The following DRC9 variants were observed in gnomAD, a reference collection of about 807,000 sequenced individuals.
DRC9 encodes dynein regulatory complex protein 9.
chr3:197,890,999 A>G, the DRC9 span, among the ~76,000 whole-genome samples: 2 of 152,240 alleles, frequency 1.3e-5, no homozygotes, highest in African/African-American at 4.8e-5. Flanking sequence ...ACAAGTTCAC[A>G]TAAAACTAAA....
At chr3:197,924,026 C>A in the DRC9 span, among the ~76,000 whole-genome samples, 1 of 151,854 alleles carries the variant, frequency 6.6e-6, no homozygotes, top group African/African-American at 2.4e-5. Context: ...CCATTGCACT[C>A]CAGCCTGAGT....
chr3:197,923,075 T>C, the DRC9 span, among the ~76,000 whole-genome samples: 1 of 152,170 alleles, frequency 6.6e-6, no homozygotes, highest in Non-Finnish European at 1.5e-5. Flanking sequence ...GAGAAGGTGT[T>C]AGGCAATTTG....
chr3:197,959,959 C>T, the DRC9 span: 6 of 524,360 alleles, frequency 1.1e-5, no homozygotes, highest in Non-Finnish European at 2.0e-5. Flanking sequence ...TGAAAAACTG[C>T]CTCAAGACAC....
At chr3:197,959,330 G>A in the DRC9 span, 1 of 152,184 alleles carries the variant, frequency 6.6e-6, no homozygotes, top group South Asian at 2.1e-4. Context: ...GAAAGGGCAC[G>A]TTTCCTAAGT....
the DRC9 span, among the ~76,000 whole-genome samples, chr3:197,945,449 T>G: frequency 6.6e-6 from 1 of 152,152 alleles, no homozygotes; most frequent in African/African-American, 2.4e-5. Context: ...GCTAACCTGC[T>G]CCTAACCTTG....
the DRC9 span, chr3:197,889,548 A>G: frequency 6.1e-5 from 98 of 1,613,796 alleles, no homozygotes; most frequent in South Asian, 9.7e-4. Flanking sequence ...CCACCTCCAG[A>G]ATACCAGCAG....
At chr3:197,942,793 C>T in the DRC9 span, among the ~76,000 whole-genome samples, 1 of 150,038 alleles carries the variant, frequency 6.7e-6, no homozygotes. Flanking sequence ...GGCGTAATCC[C>T]AGCACTTGGG....
chr3:197,909,944 C>G, the DRC9 span, among the ~76,000 whole-genome samples: 1,094 of 152,160 alleles, frequency 7.2e-3, 17 homozygotes, highest in African/African-American at 0.025. Flanking sequence ...GAGCCGAGAT[C>G]GCGCCATTGC....
chr3:197,910,844 C>T, the DRC9 span, among the ~76,000 whole-genome samples: 1 of 151,882 alleles, frequency 6.6e-6, no homozygotes, highest in Admixed American at 6.6e-5. Context: ...GCTGGACGTG[C>T]GCCTGTAATC....
chr3:197,914,524 T>C, the DRC9 span, among the ~76,000 whole-genome samples: 1 of 152,194 alleles, frequency 6.6e-6, no homozygotes, highest in Non-Finnish European at 1.5e-5. Flanking sequence ...AACGCTTTCT[T>C]TTTGCAGGTC....
At chr3:197,940,407 C>CT in the DRC9 span, among the ~76,000 whole-genome samples, 5 of 151,856 alleles carry the variant, frequency 3.3e-5, no homozygotes, top group Non-Finnish European at 5.9e-5. Flanking sequence ...ACAGTATTCC[C>CT]TGCAAGAAAA....
the DRC9 span, among the ~76,000 whole-genome samples, chr3:197,904,107 TATA>T: frequency 0.12 from 8,487 of 68,304 alleles, 635 homozygotes; most frequent in African/African-American, 0.28. Context: ...TATATATATA[TATA>T]TTTTTTTTTT....
At chr3:197,916,708 AC>A in the DRC9 span, among the ~76,000 whole-genome samples, 12 of 152,038 alleles carry the variant, frequency 7.9e-5, no homozygotes, top group Non-Finnish European at 1.8e-4. Flanking sequence ...CCTCCCAAGT[AC>A]CTAGGGAATT....
chr3:197,950,706 C>T, the DRC9 span: 5 of 571,464 alleles, frequency 8.7e-6, no homozygotes, highest in South Asian at 6.6e-5. Context: ...TGACTCCTGT[C>T]CCTTAGTTTT....
the DRC9 span, among the ~76,000 whole-genome samples, chr3:197,898,297 A>G: frequency 6.6e-6 from 1 of 152,238 alleles, no homozygotes; most frequent in African/African-American, 2.4e-5. Context: ...AGGAATGACA[A>G]TGTAAGCATT....
the DRC9 span, among the ~76,000 whole-genome samples, chr3:197,927,247 GAC>G: frequency 6.6e-6 from 1 of 151,986 alleles, no homozygotes; most frequent in Non-Finnish European, 1.5e-5. Flanking sequence ...CTTTTTTTGA[GAC>G]AGAGTCTCAC....
At chr3:197,902,101 A>T in the DRC9 span, among the ~76,000 whole-genome samples, 17 of 152,320 alleles carry the variant, frequency 1.1e-4, no homozygotes, top group East Asian at 3.1e-3. Context: ...ATTCTTCTGG[A>T]TCTTATTTAA....
chr3:197,910,996 A>AAAAG, the DRC9 span, among the ~76,000 whole-genome samples: 1 of 151,736 alleles, frequency 6.6e-6, no homozygotes, highest in African/African-American at 2.4e-5. Flanking sequence ...AAAAAAAAAA[A>AAAAG]AAAGAAAGAA....
chr3:197,955,931 A>G, the DRC9 span: 28 of 676,094 alleles, frequency 4.1e-5, no homozygotes, highest in Non-Finnish European at 6.7e-5. Context: ...CATGTGATGA[A>G]AATTACAGGG....
Sources: allele counts gnomAD v4.1 joint callset (sites outside exome capture counted in the v4.1 genomes callset), GRCh38; gene constraint gnomAD v4.1.1; transcripts MANE v1.5; gene names NCBI Gene and HGNC (gene_info 2026-07-23, HGNC 2026-07-21).